GRIA4: variants seen among roughly 807,000 people sequenced by gnomAD.
GRIA4 encodes glutamate ionotropic receptor AMPA type subunit 4.
Under a neutral mutation model 104.0 loss-of-function variants are expected in GRIA4, and 34 were observed. That is an observed-to-expected ratio of 0.33 (90% CI 0.25 to 0.44). The LOEUF is 0.44. GRIA4 is among the 20% of genes least tolerant of loss of function. The pLI, the probability that GRIA4 is intolerant of heterozygous loss-of-function variation, is 1.00. For missense variants in GRIA4, 750 were observed against 1,096.5 expected, an observed-to-expected ratio of 0.68 and a Z score of 4.46; for synonymous variants, 386 against 381.9, an observed-to-expected ratio of 1.01 and a Z score of -0.13.
At chr11:105,710,184 G>A (rs373335373) in intron 3 of GRIA4, among the ~76,000 whole-genome samples, 14 of 151,920 alleles carry the variant, frequency 9.2e-5, no homozygotes, top group Admixed American at 2.6e-4. Flanking sequence ...ACATTTGCAG[G>A]CCAGCTTACC....
At chr11:105,970,777 G>A (rs562066791) in intron 14 of GRIA4, among the ~76,000 whole-genome samples, 8 of 152,170 alleles carry the variant, frequency 5.3e-5, no homozygotes, top group African/African-American at 1.9e-4. Flanking sequence ...GTCTGTCTTG[G>A]GATGAAATGA....
chr11:105,736,555 CAT>C (rs1938960294), intron 3 of GRIA4, among the ~76,000 whole-genome samples: 1 of 151,882 alleles, frequency 6.6e-6, no homozygotes, highest in Non-Finnish European at 1.5e-5. Context: ...ATATAGTATA[CAT>C]GTTTGTTCAT....
intron 4 of GRIA4, among the ~76,000 whole-genome samples, chr11:105,815,627 AAT>A (rs1370453977): frequency 3.9e-5 from 6 of 152,032 alleles, no homozygotes. Context: ...AAAACTTTTA[AAT>A]ACACTGCCAA....
chr11:105,702,357 T>C (rs1953527282), intron 3 of GRIA4, among the ~76,000 whole-genome samples: 1 of 152,060 alleles, frequency 6.6e-6, no homozygotes, highest in Non-Finnish European at 1.5e-5. Flanking sequence ...TCTGGACCAA[T>C]AATACTAGAA....
intron 5 of GRIA4, among the ~76,000 whole-genome samples, chr11:105,870,819 T>C (rs1945587852): frequency 3.9e-5 from 6 of 152,080 alleles, no homozygotes; most frequent in Admixed American, 3.9e-4. Flanking sequence ...TCATCGGATG[T>C]TTTTAAACAT....
rs945705337 is a variant in GRIA4, at chr11:105,975,916, C to A, written c.2544+1472C>A. Among the ~76,000 whole-genome samples, 3 of 152,016 alleles carry A rather than the reference C, an allele frequency of 2.0e-5. No homozygotes were observed. The South Asian group carries it at 6.2e-4, about 31-fold the overall frequency. The stretch of plus-strand genomic sequence containing the variant: ...GCACATAGATAGTTCCAAAACGATT[C>A]TTTCCAAATTTTGTGAAAAAGAATT... On this transcript the variant is annotated intron_variant, in intron 16 of 16. Coordinates refer to ENST00000282499, the MANE Select transcript of GRIA4 (RefSeq NM_000829.4).
At chr11:105,762,213 G>A (rs1940692683) in intron 4 of GRIA4, among the ~76,000 whole-genome samples, 1 of 151,884 alleles carries the variant, frequency 6.6e-6, no homozygotes, top group Non-Finnish European at 1.5e-5. Flanking sequence ...TAGTAGAGAT[G>A]GGGTTTCACC....
intron 4 of GRIA4, among the ~76,000 whole-genome samples, chr11:105,813,747 A>C (rs1943267320): frequency 6.6e-6 from 1 of 152,192 alleles, no homozygotes. Flanking sequence ...CTCTCCTCAG[A>C]AAGTGCTGAG....
chr11:105,825,568 T>C (rs891302889), intron 4 of GRIA4, among the ~76,000 whole-genome samples: 6 of 152,068 alleles, frequency 3.9e-5, no homozygotes. Flanking sequence ...CTTCTATGCC[T>C]CAGATATTCA....
At chr11:105,726,842 T>C (rs541749353) in intron 3 of GRIA4, among the ~76,000 whole-genome samples, 1 of 151,558 alleles carries the variant, frequency 6.6e-6, no homozygotes, top group Admixed American at 6.6e-5. Flanking sequence ...GTATCAACAT[T>C]AAAAAAAAGG....
intron 5 of GRIA4, among the ~76,000 whole-genome samples, chr11:105,879,696 C>T (rs928174760): frequency 6.6e-6 from 1 of 152,142 alleles, no homozygotes; most frequent in Admixed American, 6.5e-5. Flanking sequence ...GCAATATGTT[C>T]AGACAAGAGA....
chr11:105,967,498 GT>G (rs1858446628), intron 14 of GRIA4, among the ~76,000 whole-genome samples: 1 of 152,100 alleles, frequency 6.6e-6, no homozygotes, highest in Non-Finnish European at 1.5e-5. Flanking sequence ...TAACCCTGTA[GT>G]TTCCAAAGCC....
chr11:105,797,252 A>G (rs1437115196), intron 4 of GRIA4, among the ~76,000 whole-genome samples: 8 of 152,114 alleles, frequency 5.3e-5, no homozygotes, highest in African/African-American at 1.9e-4. Context: ...AAAGAAAAAA[A>G]GGAAATAGTA....
chr11:105,917,058 AACC>A (rs1947428611), intron 10 of GRIA4, among the ~76,000 whole-genome samples: 1 of 152,208 alleles, frequency 6.6e-6, no homozygotes, highest in Admixed American at 6.5e-5. Flanking sequence ...CCAATTTTAT[AACC>A]ACAATTCACC....
chr11:105,829,184 G>C (rs1194686421), intron 4 of GRIA4, among the ~76,000 whole-genome samples: 1 of 151,752 alleles, frequency 6.6e-6, no homozygotes, highest in Non-Finnish European at 1.5e-5. Flanking sequence ...GGCTCATTAA[G>C]ACTTAGTAAT....
At chr11:105,629,967 A>G (rs753887516) in intron 3 of GRIA4, among the ~76,000 whole-genome samples, 22 of 152,242 alleles carry the variant, frequency 1.4e-4, no homozygotes, top group African/African-American at 1.9e-4. Flanking sequence ...GTCATCGTCA[A>G]TTGAAACCTG....
intron 3 of GRIA4, among the ~76,000 whole-genome samples, chr11:105,687,979 A>T (rs370465717): frequency 3.2e-4 from 48 of 152,280 alleles, no homozygotes; most frequent in African/African-American, 1.1e-3. Flanking sequence ...TGAAATTTTT[A>T]ATCATGATTC....
chr11:105,819,115 T>C (rs1943486775), intron 4 of GRIA4, among the ~76,000 whole-genome samples: 2 of 152,170 alleles, frequency 1.3e-5, no homozygotes, highest in South Asian at 4.1e-4. Context: ...CTTTGAGGCA[T>C]GGTGAAACAT....
At chr11:105,705,492 A>G (rs889274331) in intron 3 of GRIA4, among the ~76,000 whole-genome samples, 1 of 152,178 alleles carries the variant, frequency 6.6e-6, no homozygotes, top group African/African-American at 2.4e-5. Context: ...ACTGGGAGAA[A>G]ATGTTTGCAA....
Sources: gnomAD v4.1 joint callset for allele counts (sites outside exome capture counted in the v4.1 genomes callset) on GRCh38, gnomAD v4.1.1 for gene constraint, MANE v1.5 for transcripts, NCBI Gene and HGNC (gene_info 2026-07-23, HGNC 2026-07-21) for gene names.